Variants in FHIT observed in about 807,000 individuals in gnomAD.
FHIT encodes fragile histidine triad diadenosine triphosphatase.
Under a neutral mutation model 17.9 loss-of-function variants are expected in FHIT, and 19 were observed. The ratio of observed to expected loss-of-function variants is 1.06; its 90% CI spans 0.74 to 1.56. The LOEUF (loss-of-function observed/expected upper bound fraction) is 1.56, where lower values mean the gene tolerates loss of function less well. Ranked by LOEUF, FHIT falls within the 40% of genes most tolerant of loss-of-function variation. FHIT has a pLI of 0.00. For missense variants in FHIT, 248 were observed against 189.2 expected, an observed-to-expected ratio of 1.31 and a Z score of -1.82; for synonymous variants, 81 against 69.7, an observed-to-expected ratio of 1.16 and a Z score of -0.81.
intron 3 of FHIT, among the ~76,000 whole-genome samples, chr3:60,884,389 G>A (rs1389935556): frequency 1.3e-5 from 2 of 152,082 alleles, no homozygotes; most frequent in Non-Finnish European, 1.5e-5. Context: ...AGGAAATCAG[G>A]ATATTGAAGA....
intron 5 of FHIT, among the ~76,000 whole-genome samples, chr3:60,238,771 A>T (rs1704954007): frequency 6.6e-6 from 1 of 152,110 alleles, no homozygotes; most frequent in Non-Finnish European, 1.5e-5. Context: ...CTTCCCCTTC[A>T]TGCCAACCCT....
intron 5 of FHIT, among the ~76,000 whole-genome samples, chr3:60,094,105 CAGAG>C (rs768275879): frequency 2.3e-4 from 35 of 152,188 alleles, no homozygotes; most frequent in African/African-American, 3.1e-4. Context: ...GATTAAAAAA[CAGAG>C]AGACAGTGTT....
chr3:61,169,646 T>G (rs1317670433), intron 2 of FHIT, among the ~76,000 whole-genome samples: 2 of 152,348 alleles, frequency 1.3e-5, no homozygotes, highest in Admixed American at 1.3e-4. Flanking sequence ...CTTTGTTCCC[T>G]TTTATTGCTT....
chr3:60,121,709 A>AAAACACAC (rs1553690214), intron 5 of FHIT, among the ~76,000 whole-genome samples: 1,970 of 116,334 alleles, frequency 0.017, 52 homozygotes, highest in African/African-American at 0.063. Context: ...AAACAAAACA[A>AAAACACAC]ACACACACAC....
intron 5 of FHIT, among the ~76,000 whole-genome samples, chr3:60,526,625 G>A (rs2035584890): frequency 6.6e-6 from 1 of 152,080 alleles, no homozygotes; most frequent in South Asian, 2.1e-4. Context: ...TCTCCAACAA[G>A]CCTCCCCTGC....
At chr3:60,390,563 G>A (rs879660127) in intron 5 of FHIT, among the ~76,000 whole-genome samples, 12 of 152,056 alleles carry the variant, frequency 7.9e-5, no homozygotes, top group African/African-American at 2.2e-4. Context: ...AGAAGAAGGC[G>A]TTGTTATCAC....
chr3:60,097,025 A>T (rs1225047198), intron 5 of FHIT, among the ~76,000 whole-genome samples: 24 of 2,470 alleles, frequency 9.7e-3, no homozygotes, highest in African/African-American at 0.014. Context: ...TGTTATTATT[A>T]AAAAAAAAAA....
intron 2 of FHIT, among the ~76,000 whole-genome samples, chr3:61,072,835 C>T (rs2034849901): frequency 6.6e-6 from 1 of 152,128 alleles, no homozygotes; most frequent in South Asian, 2.1e-4. Flanking sequence ...TCTTTTCTTT[C>T]TCTCACCTTC....
intron 8 of FHIT, among the ~76,000 whole-genome samples, chr3:59,803,862 A>G (rs527898678): frequency 1.3e-3 from 201 of 152,120 alleles, no homozygotes; most frequent in Non-Finnish European, 2.5e-3. Context: ...GGCACAAAAA[A>G]CCCTGAACAT....
chr3:59,946,230 T>C (rs1706796236), intron 7 of FHIT, among the ~76,000 whole-genome samples: 1 of 152,226 alleles, frequency 6.6e-6, no homozygotes, highest in Non-Finnish European at 1.5e-5. Flanking sequence ...AATGTAAAGA[T>C]CTTTCACCTC....
At chr3:60,069,000 C>CAA (rs2106961826) in intron 5 of FHIT, among the ~76,000 whole-genome samples, 1 of 152,090 alleles carries the variant, frequency 6.6e-6, no homozygotes, top group South Asian at 2.1e-4. Flanking sequence ...GCTATTAAGT[C>CAA]AATAAAAAGA....
chr3:60,213,579 C>T (rs917519154), intron 5 of FHIT, among the ~76,000 whole-genome samples: 1 of 152,148 alleles, frequency 6.6e-6, no homozygotes, highest in African/African-American at 2.4e-5. Context: ...AGATTTTTCC[C>T]ACTATCCTTC....
intron 5 of FHIT, among the ~76,000 whole-genome samples, chr3:60,136,873 G>T (rs912387683): frequency 1.3e-5 from 2 of 151,996 alleles, no homozygotes; most frequent in African/African-American, 4.8e-5. Flanking sequence ...TCTGATACTA[G>T]AAAAAAGGAA....
chr3:61,250,783 T>A (rs2040603298), intron 1 of FHIT, among the ~76,000 whole-genome samples: 1 of 152,310 alleles, frequency 6.6e-6, no homozygotes, highest in East Asian at 1.9e-4. Flanking sequence ...ATAAATTCGA[T>A]GCCTCTTTGC....
intron 8 of FHIT, among the ~76,000 whole-genome samples, chr3:59,900,699 C>T (rs779697364): frequency 8.5e-5 from 13 of 152,128 alleles, no homozygotes; most frequent in African/African-American, 2.2e-4. Context: ...CTGCAAGCTC[C>T]GCCTCCCAGG....
At chr3:60,870,342 A>C (rs1704356267) in intron 3 of FHIT, among the ~76,000 whole-genome samples, 1 of 152,208 alleles carries the variant, frequency 6.6e-6, no homozygotes, top group Non-Finnish European at 1.5e-5. Context: ...AAAAGTGGTC[A>C]GTTGTAGAAA....
intron 8 of FHIT, among the ~76,000 whole-genome samples, chr3:59,765,065 T>C (rs1126268): frequency 0.51 from 76,973 of 152,094 alleles, 21,884 homozygotes; most frequent in East Asian, 0.74. Flanking sequence ...ATGCTTAAGA[T>C]GTACTGGAGA....
In FHIT at chr3:60,558,258, T is replaced by A. The variant is rs552947996; in HGVS notation, c.-17-21279A>T. Among the ~76,000 whole-genome samples the A allele has an allele frequency of 5.3e-5, 8 of 152,186 alleles. 1 individual carries two copies. In the South Asian group the frequency reaches 1.7e-3, roughly 32 times the overall value. ...TAATGTCAACCAATCTCTAGTCATC[T>A]CCCTGACCCATGTCCCTGACTGGCA... is the stretch of plus-strand genomic sequence containing the variant. On this transcript the variant is annotated intron_variant, in intron 4 of 9. Transcript: ENST00000492590.
chr3:59,905,640 T>C (rs1704551840), intron 8 of FHIT, among the ~76,000 whole-genome samples: 1 of 152,236 alleles, frequency 6.6e-6, no homozygotes, highest in African/African-American at 2.4e-5. Context: ...ATAGACTCTA[T>C]GAGACTTAAA....
Sources: allele counts gnomAD v4.1 joint callset (sites outside exome capture counted in the v4.1 genomes callset), GRCh38; gene constraint gnomAD v4.1.1; transcripts MANE v1.5; gene names NCBI Gene and HGNC (gene_info 2026-07-23, HGNC 2026-07-21).